Variants in PREP observed in about 807,000 individuals in gnomAD.
PREP encodes the protein prolyl endopeptidase.
PREP carries 29 observed loss-of-function variants against 87.6 expected under a neutral mutation model. The ratio of observed to expected loss-of-function variants is 0.33; its 90% CI spans 0.25 to 0.45. The LOEUF (loss-of-function observed/expected upper bound fraction) is 0.45, where lower values mean the gene tolerates loss of function less well. Among genes scored for constraint, PREP ranks in the 20% least tolerant of loss-of-function variants. The pLI is 1.00. For synonymous variants in PREP, 337 were observed against 328.6 expected (o/e 1.03, Z -0.28); for missense variants, 695 against 886.5 (o/e 0.78, Z 2.74).
At chr6:105,298,039 G>A (rs540802118) in intron 10 of PREP, 1 of 152,330 alleles carries the variant, frequency 6.6e-6, no homozygotes, top group South Asian at 2.1e-4. Context: ...GAGCCAGCCC[G>A]CGGCTGACCG....
intron 7 of PREP, among the ~76,000 whole-genome samples, chr6:105,340,152 G>A (rs1771600625): frequency 6.6e-6 from 1 of 152,134 alleles, no homozygotes; most frequent in South Asian, 2.1e-4. Context: ...GAAAGGTCGG[G>A]TAACCCACAA....
intron 10 of PREP, among the ~76,000 whole-genome samples, chr6:105,294,050 G>T (rs1301777565): frequency 6.6e-6 from 1 of 152,100 alleles, no homozygotes; most frequent in African/African-American, 2.4e-5. Context: ...AATTTGCTGG[G>T]TCAGGAGAAG....
At chr6:105,345,122 TAAATC>T (rs1299287071) in intron 7 of PREP, among the ~76,000 whole-genome samples, 1 of 152,230 alleles carries the variant, frequency 6.6e-6, no homozygotes, top group Admixed American at 6.5e-5. Context: ...GGTAGAGAAA[TAAATC>T]AAGAGAAAAG....
chr6:105,279,597 C>T (rs935722489), intron 14 of PREP, among the ~76,000 whole-genome samples: 4 of 152,172 alleles, frequency 2.6e-5, no homozygotes, highest in African/African-American at 9.7e-5. Flanking sequence ...ACACCTTTTA[C>T]TAATTCTGGA....
At chr6:105,392,036 T>C (rs942676111) in intron 2 of PREP, among the ~76,000 whole-genome samples, 6 of 148,158 alleles carry the variant, frequency 4.0e-5, no homozygotes, top group Non-Finnish European at 5.9e-5. Context: ...TTATCTAGTC[T>C]TCAAATCTTT....
rs1554203323 is a variant in PREP at position 105,277,518 on chromosome 6, T to TGACTGACA, written c.*625_*626insTGTCAGTC. Reference sequence around the variant, plus strand: ...TTTGTTTATGACAGTGAACCCCCTCTGACAGCTTCATCACCTCTAACAAAC... The same window carrying TGACTGACA: ...TTTGTTTATGACAGTGAACCCCCTCTGACTGACAGACAGCTTCATCACCTCTAACAAAC... On this transcript the variant is annotated 3_prime_UTR_variant, in exon 15 of 15. Transcript: ENST00000652536. 2.0e-5 allele frequency: 3 copies of TGACTGACA among 152,468 alleles called. No individual in the cohort carries two copies. Among genetic ancestry groups the TGACTGACA allele is most frequent in the African/African-American group, 7.3e-5 (3 of 41,348 alleles). The allele number at this position is 152,468 out of a possible 1,614,324, so 9.4% of individuals were successfully genotyped here.
chr6:105,350,113 CT>C (rs1016171834), intron 7 of PREP, among the ~76,000 whole-genome samples: 12 of 151,692 alleles, frequency 7.9e-5, no homozygotes, highest in African/African-American at 2.9e-4. Flanking sequence ...TGCAGATAGA[CT>C]TTTTTTTGTT....
intron 2 of PREP, among the ~76,000 whole-genome samples, chr6:105,396,288 A>T (rs896117266): frequency 1.3e-5 from 2 of 152,240 alleles, no homozygotes; most frequent in African/African-American, 4.8e-5. Context: ...TGCTTACTTT[A>T]GGGACAAAGG....
chr6:105,372,982 G>A (rs929353015), intron 5 of PREP, among the ~76,000 whole-genome samples: 5 of 152,154 alleles, frequency 3.3e-5, no homozygotes, highest in African/African-American at 9.7e-5. Flanking sequence ...TCAGCTCCCC[G>A]TCTTGCAATT....
intron 14 of PREP, chr6:105,281,468 A>AGCAAGCAGTATCTAG (rs1770080083): frequency 3.5e-6 from 1 of 289,038 alleles, no homozygotes; most frequent in African/African-American, 2.2e-5. Context: ...GCTCCCTGAC[A>AGCAAGCAGTATCTAG]GCAAGCAGTA....
At chr6:105,352,643 T>A (rs1344447179) in intron 7 of PREP, among the ~76,000 whole-genome samples, 1 of 152,208 alleles carries the variant, frequency 6.6e-6, no homozygotes, top group Non-Finnish European at 1.5e-5. Flanking sequence ...GATGCCACTA[T>A]GCCCGGCTGC....
intron 7 of PREP, among the ~76,000 whole-genome samples, chr6:105,347,456 A>G (rs1311302140): frequency 6.6e-6 from 1 of 152,250 alleles, no homozygotes; most frequent in Non-Finnish European, 1.5e-5. Flanking sequence ...TAATGTAGAC[A>G]ACAAAAGTAA....
At chr6:105,398,497 A>G (rs894774648) in intron 1 of PREP, among the ~76,000 whole-genome samples, 6 of 152,240 alleles carry the variant, frequency 3.9e-5, no homozygotes, top group South Asian at 2.1e-4. Context: ...ATGGCAAAAC[A>G]TTTTAAAACT....
intron 6 of PREP, among the ~76,000 whole-genome samples, chr6:105,358,635 G>A (rs1583079495): frequency 6.6e-6 from 1 of 152,102 alleles, no homozygotes; most frequent in African/African-American, 2.4e-5. Context: ...TCTGGTGGCT[G>A]GCAGAAAGAC....
chr6:105,343,852 A>C, intron 7 of PREP, among the ~76,000 whole-genome samples: 1 of 152,262 alleles, frequency 6.6e-6, no homozygotes. Context: ...AATGGTGATC[A>C]TTAAAAAGTC....
rs1196176876 is a variant in PREP, at chr6:105,275,730, T to C, written c.*2414A>G. On this transcript the variant is annotated 3_prime_UTR_variant, in exon 15 of 15. Coordinates refer to ENST00000652536, the MANE Select transcript of PREP (RefSeq NM_002726.5). ...AGATGAAGAAAATGTGGTACATATA[T>C]ACAATGGAATATGATTTAGCCATGA... Among the ~76,000 whole-genome samples, 1 of 152,196 alleles carries C rather than the reference T, an allele frequency of 6.6e-6. No homozygotes were observed. The highest frequency in any genetic ancestry group is 1.5e-5 in the Non-Finnish European group (1 of 68,032).
chr6:105,320,761 G>A (rs746682694), intron 10 of PREP, among the ~76,000 whole-genome samples: 51 of 152,288 alleles, frequency 3.3e-4, no homozygotes, highest in African/African-American at 1.1e-3. Context: ...CCAGGGTCAA[G>A]TGGAATCAAA....
At chr6:105,365,182 G>T (rs139381993) in intron 6 of PREP, among the ~76,000 whole-genome samples, 131 of 152,354 alleles carry the variant, frequency 8.6e-4, no homozygotes, top group African/African-American at 3.0e-3. Context: ...GGGAAGCGGA[G>T]GTTGCAGCGA....
intron 12 of PREP, among the ~76,000 whole-genome samples, chr6:105,284,556 C>T (rs767939750): frequency 6.6e-6 from 1 of 151,790 alleles, no homozygotes; most frequent in Non-Finnish European, 1.5e-5. Context: ...GAGCTGCTGA[C>T]CAGCCCCAAG....
Sources: gnomAD v4.1 joint callset for allele counts (sites outside exome capture counted in the v4.1 genomes callset) on GRCh38, gnomAD v4.1.1 for gene constraint, MANE v1.5 for transcripts, NCBI Gene and HGNC (gene_info 2026-07-23, HGNC 2026-07-21) for gene names.